AGL: variants seen among roughly 807,000 people sequenced by gnomAD.
AGL encodes the protein amylo-alpha-1,6-glucosidase and 4-alpha-glucanotransferase, also known as glycogen debranching enzyme.
A neutral mutation model predicts 199.3 loss-of-function variants in AGL; 128 were observed. That is an observed-to-expected ratio of 0.64 (90% CI 0.56 to 0.74). The LOEUF (loss-of-function observed/expected upper bound fraction) is 0.74, where lower values mean the gene tolerates loss of function less well. Among genes scored for constraint, AGL ranks in the 30% least tolerant of loss-of-function variants. AGL has a pLI of 0.00. For missense variants in AGL, 1,809 were observed against 1,820.8 expected, an observed-to-expected ratio of 0.99 and a Z score of 0.12; for synonymous variants, 584 against 594.7, an observed-to-expected ratio of 0.98 and a Z score of 0.26.
intron 5 of AGL, among the ~76,000 whole-genome samples, chr1:99,868,932 C>T (rs1460562803): frequency 6.6e-6 from 1 of 151,918 alleles, no homozygotes; most frequent in Non-Finnish European, 1.5e-5. Flanking sequence ...TCAAGCAGCC[C>T]TCCCACCTTA....
chr1:99,920,277 A>G lies in AGL; in HGVS notation c.4482-1257A>G, dbSNP rs539356782. ...GAAAAATCAAGGCATGGGCAGAGCCATGCTCCCTCTGAAGGCATTAGGGAA... is the reference window on the plus strand; with the variant it reads ...GAAAAATCAAGGCATGGGCAGAGCCGTGCTCCCTCTGAAGGCATTAGGGAA... On this transcript the variant is annotated intron_variant, in intron 33 of 33. Coordinates refer to ENST00000361915, the MANE Select transcript of AGL (RefSeq NM_000642.3). Among the ~76,000 whole-genome samples, 4 of 152,334 alleles carry G rather than the reference A, an allele frequency of 2.6e-5. No individual in the cohort carries two copies. In the South Asian group the frequency reaches 8.3e-4, roughly 32 times the overall value.
At position 99,881,287 on chromosome 1, in the gene AGL, T is replaced by A. The variant is rs201718705; in HGVS notation, c.2002-5T>A. The A allele has an allele frequency of 5.0e-6, 8 of 1,614,096 alleles. No individual in the cohort carries two copies. The African/African-American group carries it at 5.3e-5, about 11-fold the overall frequency. On this transcript the variant is annotated splice_region_variant and splice_polypyrimidine_tract_variant and intron_variant, in intron 15 of 33. Transcript: ENST00000361915. ...GTATCCATGCTAAATTTTACCTTTGTCCAGATTTCAGTGGTTTCTGAAGAA... is the reference window on the plus strand; with the variant it reads ...GTATCCATGCTAAATTTTACCTTTGACCAGATTTCAGTGGTTTCTGAAGAA...
At chr1:99,857,273 T>G (rs1203942093) in intron 2 of AGL, among the ~76,000 whole-genome samples, 2 of 149,758 alleles carry the variant, frequency 1.3e-5, no homozygotes, top group Non-Finnish European at 3.0e-5. Flanking sequence ...GCAGAGACGC[T>G]CCTCACTTCC....
At chr1:99,892,653 C>A (rs190950743) in intron 24 of AGL, 46 bp downstream of exon 24, 3 of 1,566,796 alleles carry the variant, frequency 1.9e-6, no homozygotes, top group African/African-American at 2.7e-5. Context: ...CGATAGTATT[C>A]GCGGAAGAAA....
intron 2 of AGL, among the ~76,000 whole-genome samples, chr1:99,855,698 G>A (rs1268568518): frequency 6.6e-6 from 1 of 151,978 alleles, no homozygotes; most frequent in Non-Finnish European, 1.5e-5. Flanking sequence ...CTATTCAGGA[G>A]GCTAAGGCAG....
intron 2 of AGL, among the ~76,000 whole-genome samples, chr1:99,860,796 G>A (rs952173632): frequency 9.2e-5 from 14 of 152,142 alleles, no homozygotes; most frequent in African/African-American, 2.2e-4. Context: ...CAATGTTGTC[G>A]TGTTGGTAGC....
rs540241024 is a variant in AGL at position 99,872,483 on chromosome 1, T to A, written c.958+1614T>A. ...TCACTAACATTAGATATCATTAACC[T>A]TTATCATGTTTGTCAATTAGGCAAA... On this transcript the variant is annotated intron_variant, in intron 7 of 33. Transcript: ENST00000361915. Among the ~76,000 whole-genome samples the A allele has an allele frequency of 2.3e-4, 35 of 152,242 alleles. 1 individual carries two copies. The South Asian group carries it at 5.4e-3, about 23-fold the overall frequency.
At chr1:99,896,849 C>T (rs549877881) in intron 25 of AGL, among the ~76,000 whole-genome samples, 18 of 152,144 alleles carry the variant, frequency 1.2e-4, no homozygotes, top group South Asian at 1.0e-3. Flanking sequence ...CTCGCACTGT[C>T]GTCCGGGCTG....
At chr1:99,898,968 C>T (rs1653569384) in intron 25 of AGL, among the ~76,000 whole-genome samples, 1 of 152,016 alleles carries the variant, frequency 6.6e-6, no homozygotes, top group African/African-American at 2.4e-5. Flanking sequence ...GCACTATGGC[C>T]AGGCATGGTG....
chr1:99,921,589 T>C lies in AGL; in HGVS notation c.4537T>C (p.Phe1513Leu), dbSNP rs1469582728. 6.2e-7 allele frequency: 1 copy of C among 1,613,196 alleles called. No homozygotes were observed. The highest frequency in any genetic ancestry group is 8.5e-7 in the Non-Finnish European group (1 of 1,179,466). The part of the protein sequence containing the change: ...LTNENAQYCP[F>L]SCETQAWSIA... ...CAATGAGAATGCCCAGTACTGTCCT[T>C]TCAGCTGTGAAACACAAGCCTGGTC... The change falls in exon 34 of 34, where the codon TTC becomes CTC. Residue 1513 changes from phenylalanine (F) to leucine (L), a missense_variant. Coordinates refer to ENST00000361915, the MANE Select transcript of AGL (RefSeq NM_000642.3).
At chr1:99,900,356 G>A (rs534218617) in intron 25 of AGL, among the ~76,000 whole-genome samples, 106 of 152,244 alleles carry the variant, frequency 7.0e-4, no homozygotes, top group South Asian at 5.8e-3. Context: ...GAGCTATGAG[G>A]GACCTTAAAA....
At chr1:99,903,821 T>C (rs700538) in intron 27 of AGL, among the ~76,000 whole-genome samples, 70,751 of 151,864 alleles carry the variant, frequency 0.47, 16,908 homozygotes, top group East Asian at 0.57. Flanking sequence ...TTTTAATGAT[T>C]GCCATTCTAA....
rs1650117987 is a variant in AGL at position 99,862,353 on chromosome 1, G to C, written c.390G>C (p.Gln130His). The change falls in exon 4 of 34, where the codon CAG becomes CAC. Residue 130 changes from glutamine to histidine, a missense_variant. Physicochemically the swap from Gln to His is conservative, Grantham distance 24. Transcript: ENST00000361915. ...HVLPLDCVTLQTFLAKCLGPF... is the reference protein window; with the variant it reads ...HVLPLDCVTLHTFLAKCLGPF... ...TACCCTTGGACTGTGTTACTCTTCA[G>C]ACATTTTTAGCTAAGTGTTTGGGAC... The C allele has an allele frequency of 6.2e-7, 1 of 1,613,954 alleles. No individual in the cohort carries two copies. Among genetic ancestry groups the C allele is most frequent in the Non-Finnish European group, 8.5e-7 (1 of 1,180,002 alleles).
chr1:99,854,535 G>A (rs1649248908), intron 2 of AGL, among the ~76,000 whole-genome samples: 1 of 152,056 alleles, frequency 6.6e-6, no homozygotes, highest in Admixed American at 6.5e-5. Context: ...GGCCGAGGCG[G>A]GCGGATCACG....
chr1:99,855,394 C>A (rs1322212291), intron 2 of AGL, among the ~76,000 whole-genome samples: 1 of 152,130 alleles, frequency 6.6e-6, no homozygotes, highest in Non-Finnish European at 1.5e-5. Context: ...GTTTTTAAGA[C>A]TGATATTTCT....
chr1:99,864,716 CA>C (rs1571232815), intron 5 of AGL, 127 bp downstream of exon 5: 2 of 813,620 alleles, frequency 2.5e-6, no homozygotes, highest in East Asian at 5.3e-5. Context: ...TTTAAAAACA[CA>C]AATGATGATT....
rs574852907 is a variant in AGL, at chr1:99,913,448, A to T, written c.3950-79A>T. 7 of 1,198,238 alleles carry T rather than the reference A, an allele frequency of 5.8e-6. No individual in the cohort carries two copies. In the African/African-American group the frequency reaches 9.2e-5, roughly 16 times the overall value. 74.2% of individuals were successfully genotyped at this position (1,198,238 alleles called of 1,614,324 possible). A position where few individuals can be genotyped will look rare whatever the true frequency, so the allele number is the denominator to read the frequency against. Reference sequence around the variant, plus strand: ...CCTTGTAGTAGATAAAAATAAACTAAATATTACTATTTGTCTGTAACTAGA... The same window carrying T: ...CCTTGTAGTAGATAAAAATAAACTATATATTACTATTTGTCTGTAACTAGA... On this transcript the variant is annotated intron_variant, in intron 29 of 33. Coordinates refer to ENST00000361915, the MANE Select transcript of AGL (RefSeq NM_000642.3).
In AGL at chr1:99,921,720, T is replaced by C; in HGVS notation, c.*69T>C. On this transcript the variant is annotated 3_prime_UTR_variant, in exon 34 of 34. Coordinates refer to ENST00000361915, the MANE Select transcript of AGL (RefSeq NM_000642.3). ...GCAAGGTCATCATATGTAAATGCCTTATATGCACAGGCTCAAGTTGTTTTA... is the reference window on the plus strand; with the variant it reads ...GCAAGGTCATCATATGTAAATGCCTCATATGCACAGGCTCAAGTTGTTTTA... The C allele has an allele frequency of 9.6e-7, 1 of 1,041,820 alleles. No homozygotes were observed. The highest frequency in any genetic ancestry group is 1.5e-6 in the Non-Finnish European group (1 of 675,716). 64.5% of individuals were successfully genotyped at this position (1,041,820 alleles called of 1,614,324 possible).
intron 5 of AGL, among the ~76,000 whole-genome samples, chr1:99,868,216 G>GA (rs1438518911): frequency 6.6e-6 from 1 of 151,888 alleles, no homozygotes; most frequent in Non-Finnish European, 1.5e-5. Flanking sequence ...TGTAGAATTA[G>GA]AAAAAAATAT....
Sources: gnomAD v4.1 joint callset for allele counts (sites outside exome capture counted in the v4.1 genomes callset) on GRCh38, gnomAD v4.1.1 for gene constraint, MANE v1.5 for transcripts, NCBI Gene and HGNC (gene_info 2026-07-23, HGNC 2026-07-21) for gene names.